Variants in TRPM7 observed in about 807,000 individuals in gnomAD.
The protein encoded by TRPM7 is LTRPC ion channel family member 7.
Under a neutral mutation model 229.7 loss-of-function variants are expected in TRPM7, and 134 were observed. The observed-to-expected ratio is 0.58, with a 90% CI of 0.51 to 0.67. The LOEUF (loss-of-function observed/expected upper bound fraction) is 0.67. TRPM7 is among the 30% of genes least tolerant of loss of function. The probability of loss-of-function intolerance (pLI) is 0.00; values close to 1 mark genes in which losing one functional copy is unlikely to be tolerated. For missense variants in TRPM7, 1,901 were observed against 2,210.0 expected (o/e 0.86, Z 2.80); for synonymous variants, 699 against 715.2 (o/e 0.98, Z 0.36).
chr15:50,612,863 T>C, intron 15 of TRPM7, 34 bp from the exon 16 acceptor site: 1 of 1,559,868 alleles, frequency 6.4e-7, no homozygotes, highest in Non-Finnish European at 8.6e-7. Flanking sequence ...AAGCTCATTA[T>C]AATAAGGCCA....
At chr15:50,603,730 G>A (rs1050388273) in intron 21 of TRPM7, among the ~76,000 whole-genome samples, 3 of 151,952 alleles carry the variant, frequency 2.0e-5, no homozygotes, top group African/African-American at 7.3e-5. Context: ...CATTTGGGTT[G>A]GTTCCAAGAG....
intron 27 of TRPM7, among the ~76,000 whole-genome samples, chr15:50,588,918 T>C (rs1370069014): frequency 1.3e-5 from 2 of 152,144 alleles, no homozygotes; most frequent in African/African-American, 2.4e-5. Context: ...TGCTAGACAA[T>C]AGGTTTCTAA....
In TRPM7 at chr15:50,609,509, T is replaced by G. The variant is rs578237271; in HGVS notation, c.2580+72A>C. The G allele has an allele frequency of 1.7e-5, 24 of 1,403,692 alleles. No homozygotes were observed. The African/African-American group carries it at 3.2e-4, about 19-fold the overall frequency. 87.0% of individuals were successfully genotyped at this position (1,403,692 alleles called of 1,614,324 possible). On this transcript the variant is annotated intron_variant, in intron 19 of 38. Coordinates refer to ENST00000646667, the MANE Select transcript of TRPM7 (RefSeq NM_017672.6). Reference sequence around the variant, plus strand: ...GATCTAAGTTATATCAACATTAGTATGGATTCCGAACCAATGGTCCCCCAA... The same window carrying G: ...GATCTAAGTTATATCAACATTAGTAGGGATTCCGAACCAATGGTCCCCCAA...
intron 1 of TRPM7, among the ~76,000 whole-genome samples, chr15:50,668,392 T>C (rs182507327): frequency 6.8e-4 from 103 of 152,380 alleles, no homozygotes; most frequent in Non-Finnish European, 1.2e-3. Context: ...CTATTAACAA[T>C]TGAGTAAAGT....
chr15:50,613,501 C>CAAAAAAAA (rs67505794), intron 15 of TRPM7, among the ~76,000 whole-genome samples: 2 of 62,820 alleles, frequency 3.2e-5, no homozygotes, highest in Admixed American at 2.2e-4. Flanking sequence ...ACTCCTGTCT[C>CAAAAAAAA]AAAAAAAAAA....
rs771596024 is a variant in TRPM7, at chr15:50,663,017, C to T, written c.33G>A (p.Leu11=). The change falls in exon 2 of 39, where the codon TTG becomes TTA. Residue 11 remains leucine, a synonymous_variant. Coordinates refer to ENST00000646667, the MANE Select transcript of TRPM7 (RefSeq NM_017672.6). ...TAATATATACACATTCCCTCTTGGT[C>T]AAAGTGCTTTCTATCCAGGATTTCT... MSQKSWIEST[L]TKRECVYIIP... is the part of the protein sequence containing the mutation. 3 of 1,613,558 alleles carry T rather than the reference C, an allele frequency of 1.9e-6. No individual in the cohort carries two copies. The highest frequency in any genetic ancestry group is 2.2e-5 in the East Asian group (1 of 44,860).
chr15:50,650,376 T>C (rs928950826), intron 3 of TRPM7, among the ~76,000 whole-genome samples: 2 of 151,604 alleles, frequency 1.3e-5, no homozygotes, highest in African/African-American at 4.8e-5. Flanking sequence ...TCAAAAAAAG[T>C]ATCATTAAAT....
intron 1 of TRPM7, among the ~76,000 whole-genome samples, chr15:50,675,205 T>C (rs1264304814): frequency 6.6e-6 from 1 of 152,132 alleles, no homozygotes; most frequent in African/African-American, 2.4e-5. Context: ...TAGCTGGGCA[T>C]GGTGGCGGGC....
intron 1 of TRPM7, among the ~76,000 whole-genome samples, chr15:50,673,510 A>G (rs2062034136): frequency 6.6e-6 from 1 of 152,026 alleles, no homozygotes. Flanking sequence ...TATGAGTGGG[A>G]ACATATGATG....
rs1049678490 is a variant in TRPM7, at chr15:50,599,112, C to A, written c.3163+10G>T. 3 of 1,569,044 alleles carry A rather than the reference C, an allele frequency of 1.9e-6. No homozygotes were observed. Among genetic ancestry groups the A allele is most frequent in the Non-Finnish European group, 2.6e-6 (3 of 1,152,904 alleles). ...ACCAAAAGATAAATCTGTAAATATA[C>A]AATTCTTACCATCAATTTCGTATGC... On this transcript the variant is annotated intron_variant, in intron 22 of 38. Coordinates refer to ENST00000646667, the MANE Select transcript of TRPM7 (RefSeq NM_017672.6).
At chr15:50,587,086 G>GA (rs889732032) in intron 27 of TRPM7, among the ~76,000 whole-genome samples, 2 of 152,022 alleles carry the variant, frequency 1.3e-5, no homozygotes, top group East Asian at 1.9e-4. Context: ...AAACTGTGGA[G>GA]AAAAAACGCA....
intron 2 of TRPM7, among the ~76,000 whole-genome samples, chr15:50,659,847 T>C (rs779550667): frequency 2.0e-5 from 3 of 152,106 alleles, no homozygotes; most frequent in Non-Finnish European, 2.9e-5. Flanking sequence ...TTTATATTTT[T>C]AGTAGAGACG....
chr15:50,620,199 G>T (rs1032022151), intron 12 of TRPM7, among the ~76,000 whole-genome samples: 1 of 152,042 alleles, frequency 6.6e-6, no homozygotes, highest in East Asian at 1.9e-4. Context: ...ACACAAGCTT[G>T]TTCAACCTGT....
At chr15:50,642,441 A>G (rs2061130343) in intron 5 of TRPM7, among the ~76,000 whole-genome samples, 1 of 152,180 alleles carries the variant, frequency 6.6e-6, no homozygotes, top group South Asian at 2.1e-4. Context: ...TAATCCCTAT[A>G]ATCCCCAGGT....
At chr15:50,625,098 G>C (rs2140588781) in intron 11 of TRPM7, among the ~76,000 whole-genome samples, 1 of 152,232 alleles carries the variant, frequency 6.6e-6, no homozygotes, top group East Asian at 1.9e-4. Flanking sequence ...TGGTAAATTA[G>C]TAGGGACATG....
At chr15:50,633,224 AAAGT>A (rs1362795607) in intron 8 of TRPM7, among the ~76,000 whole-genome samples, 39 of 152,318 alleles carry the variant, frequency 2.6e-4, no homozygotes, top group African/African-American at 9.4e-4. Flanking sequence ...ATTTTATCAA[AAAGT>A]ATGTGTGTGG....
At chr15:50,612,051 A>G (rs1360236710) in intron 16 of TRPM7, among the ~76,000 whole-genome samples, 1 of 152,178 alleles carries the variant, frequency 6.6e-6, no homozygotes, top group East Asian at 1.9e-4. Flanking sequence ...GAACTTTCTA[A>G]TCCAATTGCT....
chr15:50,562,203 G>T (rs1036738080), intron 38 of TRPM7, among the ~76,000 whole-genome samples: 4 of 152,074 alleles, frequency 2.6e-5, no homozygotes, highest in African/African-American at 9.7e-5. Context: ...GCTGAATTAG[G>T]ATCATTTCTA....
chr15:50,637,474 G>A lies in TRPM7; in HGVS notation c.780C>T (p.Val260=). ...DGTVGKYGAE[V]RLRRELEKTI... is the part of the protein sequence containing the mutation. ...TTTTTTCAAGTTCTCTTCTCAGTCT[G>A]ACTTCCGCCCCATACTTTCCAACAG... Residue 260 remains valine (V), a synonymous_variant, in exon 7 of 39, where the codon GTC becomes GTT. Coordinates refer to ENST00000646667, the MANE Select transcript of TRPM7 (RefSeq NM_017672.6). 6.2e-7 allele frequency: 1 copy of A among 1,613,820 alleles called. No individual in the cohort carries two copies.
Sources: gnomAD v4.1 joint callset for allele counts (sites outside exome capture counted in the v4.1 genomes callset) on GRCh38, gnomAD v4.1.1 for gene constraint, MANE v1.5 for transcripts, NCBI Gene and HGNC (gene_info 2026-07-23, HGNC 2026-07-21) for gene names.